The following ST6GALNAC5 variants were observed in gnomAD, a reference collection of about 807,000 sequenced individuals.
The protein encoded by ST6GALNAC5 is ST6 N-acetylgalactosaminide alpha-2,6-sialyltransferase 5.
ST6GALNAC5 carries 27 observed loss-of-function variants against 33.6 expected under a neutral mutation model. That is an observed-to-expected ratio of 0.80 (90% CI 0.59 to 1.11). The LOEUF is 1.11. Among genes scored for constraint, ST6GALNAC5 ranks in the 50% least tolerant of loss-of-function variants. The pLI, the probability that ST6GALNAC5 is intolerant of heterozygous loss-of-function variation, is 0.00. For synonymous variants in ST6GALNAC5, 194 were observed against 171.2 expected, an observed-to-expected ratio of 1.13 and a Z score of -1.04; for missense variants, 428 against 454.0, an observed-to-expected ratio of 0.94 and a Z score of 0.52.
intron 2 of ST6GALNAC5, among the ~76,000 whole-genome samples, chr1:76,971,000 G>A (rs1352490415): frequency 6.6e-6 from 1 of 151,936 alleles, no homozygotes; most frequent in Admixed American, 6.6e-5. Flanking sequence ...TGATTGCACT[G>A]TAAATGACCT....
intron 2 of ST6GALNAC5, among the ~76,000 whole-genome samples, chr1:76,898,275 A>G (rs959618686): frequency 1.3e-5 from 2 of 152,210 alleles, no homozygotes; most frequent in African/African-American, 4.8e-5. Flanking sequence ...AACCCCTGGC[A>G]GCTGCGGTTC....
chr1:76,876,199 G>A (rs535664088), intron 2 of ST6GALNAC5, among the ~76,000 whole-genome samples: 1 of 152,336 alleles, frequency 6.6e-6, no homozygotes, highest in Admixed American at 6.5e-5. Context: ...CCAGGTAGCT[G>A]GCTGATCACC....
chr1:76,893,724 G>A (rs537065872), intron 2 of ST6GALNAC5, among the ~76,000 whole-genome samples: 26 of 152,078 alleles, frequency 1.7e-4, no homozygotes, highest in Non-Finnish European at 3.1e-4. Context: ...GCAGTGGCGC[G>A]ATCTCGGCTC....
intron 2 of ST6GALNAC5, among the ~76,000 whole-genome samples, chr1:76,885,691 T>C (rs1653876915): frequency 6.6e-6 from 1 of 152,248 alleles, no homozygotes; most frequent in Admixed American, 6.5e-5. Flanking sequence ...ATCCATTTAC[T>C]AATCCAGAAG....
intron 2 of ST6GALNAC5, among the ~76,000 whole-genome samples, chr1:76,944,059 A>G (rs1016073345): frequency 1.3e-5 from 2 of 152,094 alleles, no homozygotes; most frequent in Non-Finnish European, 2.9e-5. Flanking sequence ...CAAAAGAGGT[A>G]GGACTATGTC....
At chr1:76,928,452 A>G (rs1386975170) in intron 2 of ST6GALNAC5, among the ~76,000 whole-genome samples, 7 of 152,096 alleles carry the variant, frequency 4.6e-5, no homozygotes. Context: ...GTAATTCAGT[A>G]GGGGTTCTTT....
intron 2 of ST6GALNAC5, among the ~76,000 whole-genome samples, chr1:77,009,291 TG>T (rs1650542265): frequency 6.6e-6 from 1 of 152,132 alleles, no homozygotes; most frequent in Non-Finnish European, 1.5e-5. Context: ...AGTGAGAGTT[TG>T]GTTGAGAGTA....
chr1:76,997,282 A>G (rs923353971), intron 2 of ST6GALNAC5, among the ~76,000 whole-genome samples: 5 of 152,332 alleles, frequency 3.3e-5, no homozygotes, highest in African/African-American at 1.2e-4. Context: ...GTTACAAGAC[A>G]GGGTAGAATG....
At chr1:77,024,373 TTGAA>T (rs1324732617) in intron 2 of ST6GALNAC5, among the ~76,000 whole-genome samples, 1 of 152,194 alleles carries the variant, frequency 6.6e-6, no homozygotes, top group East Asian at 1.9e-4. Context: ...AGGATATTTC[TTGAA>T]TGAATGAATG....
rs796471653 is a variant in ST6GALNAC5 at position 76,908,677 on chromosome 1, C to G, written c.261+39935C>G. ...CTGTGTGCTTCCCTAGCACCTTCCA[C>G]TCCCTTCACATAGCACCTAACACAC... On this transcript the variant is annotated intron_variant, in intron 2 of 4. Coordinates refer to ENST00000477717, the MANE Select transcript of ST6GALNAC5 (RefSeq NM_030965.3). 1.1e-4 allele frequency among the ~76,000 whole-genome samples: 17 copies of G among 152,254 alleles called. 1 individual carries two copies. The highest frequency in any genetic ancestry group is 3.8e-4 in the African/African-American group (16 of 41,562).
chr1:76,925,878 C>T (rs1248583616), intron 2 of ST6GALNAC5, among the ~76,000 whole-genome samples: 1 of 152,074 alleles, frequency 6.6e-6, no homozygotes, highest in African/African-American at 2.4e-5. Context: ...TGGCTAGGAC[C>T]TAGAAGGACA....
intron 2 of ST6GALNAC5, among the ~76,000 whole-genome samples, chr1:77,020,659 C>T (rs1022734628): frequency 6.6e-6 from 1 of 152,198 alleles, no homozygotes; most frequent in Non-Finnish European, 1.5e-5. Context: ...CCTCAGCCTC[C>T]CAAAGTGCTG....
intron 4 of ST6GALNAC5, among the ~76,000 whole-genome samples, chr1:77,060,715 T>C (rs1032522742): frequency 6.6e-6 from 1 of 152,176 alleles, no homozygotes; most frequent in Admixed American, 6.5e-5. Context: ...AAAGAGATGG[T>C]CTTCCTGAAT....
At chr1:76,897,228 C>A (rs536321017) in intron 2 of ST6GALNAC5, among the ~76,000 whole-genome samples, 119 of 151,902 alleles carry the variant, frequency 7.8e-4, no homozygotes, top group African/African-American at 2.8e-3. Context: ...ATGAAGGGTG[C>A]AAAGGAATAG....
At chr1:77,022,284 A>G (rs1270213613) in intron 2 of ST6GALNAC5, among the ~76,000 whole-genome samples, 1 of 152,184 alleles carries the variant, frequency 6.6e-6, no homozygotes, top group African/African-American at 2.4e-5. Flanking sequence ...GACACAGGAT[A>G]TTACCCTTCC....
At chr1:77,019,647 C>G (rs1650979326) in intron 2 of ST6GALNAC5, among the ~76,000 whole-genome samples, 1 of 152,160 alleles carries the variant, frequency 6.6e-6, no homozygotes, top group African/African-American at 2.4e-5. Context: ...AATAGTCAGG[C>G]CTGAGTCCTT....
intron 2 of ST6GALNAC5, among the ~76,000 whole-genome samples, chr1:76,901,081 T>C (rs1646812999): frequency 2.0e-5 from 3 of 152,344 alleles, no homozygotes; most frequent in South Asian, 4.1e-4. Flanking sequence ...ATTGAGAAGA[T>C]GGAATAGTTG....
At chr1:76,923,057 A>G (rs539286845) in intron 2 of ST6GALNAC5, among the ~76,000 whole-genome samples, 1 of 152,282 alleles carries the variant, frequency 6.6e-6, no homozygotes, top group Admixed American at 6.5e-5. Context: ...AAGCCTATAA[A>G]AGGGCAACTT....
At chr1:76,869,926 G>A (rs1054759755) in intron 2 of ST6GALNAC5, among the ~76,000 whole-genome samples, 3 of 152,132 alleles carry the variant, frequency 2.0e-5, no homozygotes, top group African/African-American at 7.2e-5. Flanking sequence ...AGTACTGTAG[G>A]GGTGCAAAAA....
Sources: gnomAD v4.1 joint callset for allele counts (sites outside exome capture counted in the v4.1 genomes callset) on GRCh38, gnomAD v4.1.1 for gene constraint, MANE v1.5 for transcripts, NCBI Gene and HGNC (gene_info 2026-07-23, HGNC 2026-07-21) for gene names.